Variants in GNB1 observed in about 807,000 individuals in gnomAD.
GNB1 encodes the protein G protein subunit beta 1.
Under a neutral mutation model 42.9 loss-of-function variants are expected in GNB1, and 2 were observed. The ratio of observed to expected loss-of-function variants is 0.05; its 90% CI spans 0.02 to 0.15. The LOEUF is 0.15. Among genes scored for constraint, GNB1 ranks in the 10% least tolerant of loss-of-function variants. The pLI, the probability that GNB1 is intolerant of heterozygous loss-of-function variation, is 1.00. For synonymous variants in GNB1, 183 were observed against 174.7 expected (o/e 1.05, Z -0.38); for missense variants, 193 against 462.2 (o/e 0.42, Z 5.34).
At chr1:1,866,676 CG>C (rs1237607416) in intron 1 of GNB1, among the ~76,000 whole-genome samples, 1 of 151,660 alleles carries the variant, frequency 6.6e-6, no homozygotes, top group African/African-American at 2.4e-5. Flanking sequence ...TCAATGTGGC[CG>C]GGCGCGGTGG....
chr1:1,825,864 CAA>C (rs57374385), intron 2 of GNB1, among the ~76,000 whole-genome samples: 13 of 106,080 alleles, frequency 1.2e-4, no homozygotes, highest in Admixed American at 3.0e-4. Flanking sequence ...TACTCCGTCT[CAA>C]AAAAAAAAAA....
intron 7 of GNB1, among the ~76,000 whole-genome samples, chr1:1,796,864 G>A (rs1340159244): frequency 6.6e-6 from 1 of 152,182 alleles, no homozygotes; most frequent in East Asian, 1.9e-4. Context: ...TAGGGACAAG[G>A]CTGTTAAAGT....
rs575979115 is a variant in GNB1, at chr1:1,826,154, T to C, written c.-46-655A>G. On this transcript the variant is annotated intron_variant, in intron 2 of 11. Transcript: ENST00000378609. ...CATTTAGGCCAGGTGTGGTGGCTCA[T>C]GCCTGTAATCCCAACAATTTGGGAG... Among the ~76,000 whole-genome samples, 3 of 152,172 alleles carry C rather than the reference T, an allele frequency of 2.0e-5. No individual in the cohort carries two copies. The East Asian group carries it at 5.8e-4, about 30-fold the overall frequency.
intron 2 of GNB1, among the ~76,000 whole-genome samples, chr1:1,828,152 C>G (rs933401833): frequency 2.6e-5 from 4 of 152,124 alleles, no homozygotes; most frequent in African/African-American, 9.7e-5. Context: ...GAAACCCCAT[C>G]TCTACTAAAA....
intron 5 of GNB1, among the ~76,000 whole-genome samples, chr1:1,812,929 C>T (rs1441095115): frequency 2.0e-5 from 3 of 150,802 alleles, no homozygotes; most frequent in African/African-American, 7.3e-5. Context: ...TCCAGACTAC[C>T]CAGTCCAGAG....
At chr1:1,869,332 T>A (rs1341864709) in intron 1 of GNB1, among the ~76,000 whole-genome samples, 1 of 152,104 alleles carries the variant, frequency 6.6e-6, no homozygotes, top group African/African-American at 2.4e-5. Context: ...CTGACTTCTA[T>A]AAGAATCCAA....
chr1:1,854,676 G>C (rs569760243), intron 1 of GNB1, among the ~76,000 whole-genome samples: 1 of 152,246 alleles, frequency 6.6e-6, no homozygotes, highest in African/African-American at 2.4e-5. Flanking sequence ...CGAGGCTGAG[G>C]AAGGAGGATT....
intron 7 of GNB1, among the ~76,000 whole-genome samples, chr1:1,795,529 G>A (rs1646534640): frequency 6.6e-6 from 1 of 152,024 alleles, no homozygotes; most frequent in Admixed American, 6.6e-5. Context: ...ACTTGGGGAG[G>A]CTGAGGTCAG....
intron 5 of GNB1, among the ~76,000 whole-genome samples, chr1:1,810,451 G>A (rs1447104568): frequency 6.8e-6 from 1 of 147,362 alleles, no homozygotes; most frequent in African/African-American, 2.5e-5. Context: ...CAGGAGGATT[G>A]CTTGAGCACA....
chr1:1,847,302 T>A (rs964108729), intron 1 of GNB1, among the ~76,000 whole-genome samples: 1 of 152,092 alleles, frequency 6.6e-6, no homozygotes, highest in Non-Finnish European at 1.5e-5. Flanking sequence ...GACAACAAAA[T>A]CCCTTTTTCT....
At chr1:1,857,240 G>A (rs930713044) in intron 1 of GNB1, among the ~76,000 whole-genome samples, 8 of 147,758 alleles carry the variant, frequency 5.4e-5, no homozygotes, top group Admixed American at 5.4e-4. Context: ...GAGGTCCCAA[G>A]GAAACTAAAC....
intron 1 of GNB1, among the ~76,000 whole-genome samples, chr1:1,878,446 C>T (rs1271389685): frequency 6.6e-6 from 1 of 152,188 alleles, no homozygotes; most frequent in Non-Finnish European, 1.5e-5. Flanking sequence ...TGACTTGGGG[C>T]TTCTCCTGCC....
chr1:1,829,051 T>C (rs533430649), intron 2 of GNB1, among the ~76,000 whole-genome samples: 1 of 152,188 alleles, frequency 6.6e-6, no homozygotes, highest in Non-Finnish European at 1.5e-5. Context: ...GATAAAGATA[T>C]ATTTTCTTTT....
intron 4 of GNB1, among the ~76,000 whole-genome samples, chr1:1,816,685 G>A (rs918805452): frequency 8.9e-6 from 1 of 112,884 alleles, no homozygotes; most frequent in African/African-American, 3.5e-5. Flanking sequence ...GTCTCGCTCT[G>A]TCTCCCAGGC....
At chr1:1,886,820 C>T (rs1302957076) in intron 1 of GNB1, among the ~76,000 whole-genome samples, 1 of 152,218 alleles carries the variant, frequency 6.6e-6, no homozygotes, top group Non-Finnish European at 1.5e-5. Flanking sequence ...ATTCTCCTGC[C>T]TCAGCCTCCT....
chr1:1,806,552 C>CA lies in GNB1; in HGVS notation c.204-15dup, dbSNP rs765296776. 2.8e-5 allele frequency: 44 copies of CA among 1,584,686 alleles called. No individual in the cohort carries two copies. The highest frequency in any genetic ancestry group is 3.7e-5 in the Non-Finnish European group (43 of 1,153,850). ...CTGACGAGAAGCCTGGAGGGACAGA[C>CA]AAAAGCAAACCTATCAGTACCGCAC... On this transcript the variant is annotated splice_polypyrimidine_tract_variant and intron_variant, in intron 5 of 11. Coordinates refer to ENST00000378609, the MANE Select transcript of GNB1 (RefSeq NM_002074.5).
At chr1:1,811,417 G>A (rs1274504360) in intron 5 of GNB1, among the ~76,000 whole-genome samples, 2 of 152,068 alleles carry the variant, frequency 1.3e-5, no homozygotes, top group East Asian at 3.9e-4. Flanking sequence ...AAACTAGGCC[G>A]GGCACAGTGG....
intron 5 of GNB1, among the ~76,000 whole-genome samples, chr1:1,806,901 G>A (rs550561979): frequency 1.6e-4 from 25 of 152,270 alleles, no homozygotes; most frequent in Non-Finnish European, 3.5e-4. Context: ...TTGAACCTAG[G>A]AAGCGGAGGT....
chr1:1,871,770 C>T (rs1166380906), intron 1 of GNB1, among the ~76,000 whole-genome samples: 1 of 152,140 alleles, frequency 6.6e-6, no homozygotes, highest in Admixed American at 6.6e-5. Context: ...CCACCCTCTA[C>T]ATGTGCAAAG....
Sources: allele counts gnomAD v4.1 joint callset (sites outside exome capture counted in the v4.1 genomes callset), GRCh38; gene constraint gnomAD v4.1.1; transcripts MANE v1.5; gene names NCBI Gene and HGNC (gene_info 2026-07-23, HGNC 2026-07-21).